CLVS1: variants seen among roughly 807,000 people sequenced by gnomAD.
CLVS1 encodes clavesin 1, also known as clavesin-1.
In CLVS1, 10 loss-of-function variants were observed where a neutral mutation model predicts 33.1. The observed-to-expected ratio is 0.30, with a 90% confidence interval of 0.19 to 0.51. CLVS1 has a LOEUF of 0.51. Ranked by LOEUF, CLVS1 falls within the 20% of genes least tolerant of loss-of-function variation. The pLI, the probability that CLVS1 is intolerant of heterozygous loss-of-function variation, is 0.97. For synonymous variants in CLVS1, 163 were observed against 166.1 expected, an observed-to-expected ratio of 0.98 and a Z score of 0.14; for missense variants, 343 against 433.4, an observed-to-expected ratio of 0.79 and a Z score of 1.85.
At chr8:60,992,808 G>A in the CLVS1 span, among the ~76,000 whole-genome samples, 4 of 152,188 alleles carry the variant, frequency 2.6e-5, no homozygotes, top group South Asian at 4.1e-4. Context: ...GACATGACCC[G>A]TGAGGCAGGG....
intron 2 of CLVS1, among the ~76,000 whole-genome samples, chr8:61,150,045 A>T (rs1231313749): frequency 4.0e-5 from 6 of 150,804 alleles, no homozygotes; most frequent in African/African-American, 1.5e-4. Flanking sequence ...CCCACTTCTG[A>T]GTAGCTTTGG....
the CLVS1 span, among the ~76,000 whole-genome samples, chr8:60,992,474 C>T: frequency 1.1e-4 from 17 of 152,296 alleles, no homozygotes; most frequent in Middle Eastern, 6.8e-3. Flanking sequence ...ATCAGAAAGA[C>T]GTGGATGAGA....
In CLVS1 at chr8:61,428,121, A is replaced by T. The variant is rs78031571; in HGVS notation, c.631-26020A>T. Among the ~76,000 whole-genome samples, 934 of 152,392 alleles carry T rather than the reference A, an allele frequency of 6.1e-3. 2 individuals are homozygous for T. Among genetic ancestry groups the T allele is most frequent in the Non-Finnish European group, 0.012 (791 of 68,036 alleles). On this transcript the variant is annotated intron_variant, in intron 3 of 5. Coordinates refer to ENST00000325897, the MANE Select transcript of CLVS1 (RefSeq NM_173519.3). Reference sequence around the variant, plus strand: ...ATGAATGTTTCATGATGCATTTGCCAGTTTCAGAAGAGGTGGAGATTTGTA... The same window carrying T: ...ATGAATGTTTCATGATGCATTTGCCTGTTTCAGAAGAGGTGGAGATTTGTA...
chr8:61,054,422 C>T (rs369293766), upstream of CLVS1, among the ~76,000 whole-genome samples: 7 of 152,306 alleles, frequency 4.6e-5, no homozygotes, highest in African/African-American at 1.7e-4. Flanking sequence ...GGAACTGCTG[C>T]AGGCTTGGAG....
chr8:61,149,565 A>AC (rs1391292180), intron 2 of CLVS1, among the ~76,000 whole-genome samples: 3 of 149,676 alleles, frequency 2.0e-5, no homozygotes, highest in South Asian at 2.1e-4. Context: ...AAAAAAAAAA[A>AC]AAACAAAAAA....
chr8:60,968,037 C>T, the CLVS1 span, among the ~76,000 whole-genome samples: 5 of 152,174 alleles, frequency 3.3e-5, no homozygotes, highest in African/African-American at 1.2e-4. Flanking sequence ...TTCTCGGGCC[C>T]AAGCGATTCT....
At chr8:61,060,109 T>A (rs1804558173) in intron 1 of CLVS1, among the ~76,000 whole-genome samples, 1 of 152,164 alleles carries the variant, frequency 6.6e-6, no homozygotes, top group Admixed American at 6.5e-5. Flanking sequence ...TAATCCTCTA[T>A]CTTTTAAAAA....
chr8:61,071,443 G>A (rs1203966946), intron 1 of CLVS1, among the ~76,000 whole-genome samples: 1 of 152,142 alleles, frequency 6.6e-6, no homozygotes, highest in Admixed American at 6.5e-5. Flanking sequence ...CCATAATCAT[G>A]TCTCCTACTT....
intron 2 of CLVS1, among the ~76,000 whole-genome samples, chr8:61,232,041 T>TTTTTTTTTTTTTTTGTTTTGTTTTG (rs1554548394): frequency 3.4e-5 from 4 of 116,004 alleles, no homozygotes; most frequent in South Asian, 2.8e-4. Context: ...TTTTTTTTTT[T>TTTTTTTTTTTTTTTGTTTTGTTTTG]TTTTTTTTTG....
chr8:61,450,869 G>A (rs184090285), intron 3 of CLVS1, among the ~76,000 whole-genome samples: 1 of 152,140 alleles, frequency 6.6e-6, no homozygotes, highest in Non-Finnish European at 1.5e-5. Flanking sequence ...TGGAAACATG[G>A]TAGATTTTAC....
chr8:61,310,518 G>A (rs914842834), intron 2 of CLVS1, among the ~76,000 whole-genome samples: 1 of 152,260 alleles, frequency 6.6e-6, no homozygotes, highest in East Asian at 1.9e-4. Context: ...ATTAACGACA[G>A]GTCTCCATGA....
At chr8:61,398,181 C>CTTTT (rs545959573) in intron 3 of CLVS1, among the ~76,000 whole-genome samples, 1 of 125,930 alleles carries the variant, frequency 7.9e-6, no homozygotes, top group Non-Finnish European at 1.7e-5. Context: ...ATAAGCTTTA[C>CTTTT]TTTTTTTTTT....
chr8:61,414,725 T>A (rs527397053), intron 3 of CLVS1, among the ~76,000 whole-genome samples: 3 of 152,270 alleles, frequency 2.0e-5, no homozygotes, highest in Admixed American at 2.0e-4. Context: ...CTCAAGGTGT[T>A]GAGAGTTAAT....
intron 1 of CLVS1, among the ~76,000 whole-genome samples, chr8:61,061,130 T>C (rs1463792165): frequency 1.3e-5 from 2 of 152,192 alleles, no homozygotes; most frequent in African/African-American, 4.8e-5. Flanking sequence ...CTGGATTTTA[T>C]AAAACAGAAC....
chr8:61,188,497 G>A (rs1032519461), intron 2 of CLVS1, among the ~76,000 whole-genome samples: 3 of 108,234 alleles, frequency 2.8e-5, no homozygotes, highest in Admixed American at 2.6e-4. Context: ...AACAGATTAT[G>A]CTTAAATAAA....
At chr8:61,417,541 AC>A (rs1464515297) in intron 3 of CLVS1, among the ~76,000 whole-genome samples, 3 of 152,148 alleles carry the variant, frequency 2.0e-5, no homozygotes, top group Non-Finnish European at 4.4e-5. Flanking sequence ...GTGGGATGTC[AC>A]CACTATAAAA....
rs141697742 is a variant in CLVS1 at position 61,426,499 on chromosome 8, A to C, written c.631-27642A>C. On this transcript the variant is annotated intron_variant, in intron 3 of 5. Transcript: ENST00000325897. ...GTCTTCATGCCATTTATGTATGACG[A>C]TTGATAGGAGTTGGTTTAGTTGTCA... Among the ~76,000 whole-genome samples, 1,342 of 152,202 alleles carry C rather than the reference A, an allele frequency of 8.8e-3. 15 individuals are homozygous for C. The highest frequency in any genetic ancestry group is 0.04 in the South Asian group (192 of 4,820).
chr8:61,365,874 G>A (rs1191945825), intron 2 of CLVS1, among the ~76,000 whole-genome samples: 3 of 151,960 alleles, frequency 2.0e-5, no homozygotes, highest in Non-Finnish European at 4.4e-5. Context: ...GCCTGCTTTT[G>A]GTTTGTGGAT....
the CLVS1 span, among the ~76,000 whole-genome samples, chr8:61,046,939 G>A: frequency 6.6e-6 from 1 of 152,086 alleles, no homozygotes; most frequent in East Asian, 1.9e-4. Flanking sequence ...CTGCAAACAG[G>A]GGCAATTTGA....
Sources: allele counts gnomAD v4.1 joint callset (sites outside exome capture counted in the v4.1 genomes callset), GRCh38; gene constraint gnomAD v4.1.1; transcripts MANE v1.5; gene names NCBI Gene and HGNC (gene_info 2026-07-23, HGNC 2026-07-21).